Variants in CYP7B1 observed in about 807,000 individuals in gnomAD.
CYP7B1 encodes the protein cytochrome P450 7B1.
A neutral mutation model predicts 42.7 loss-of-function variants in CYP7B1; 29 were observed. The ratio of observed to expected loss-of-function variants is 0.68; its 90% confidence interval spans 0.51 to 0.93. The LOEUF (loss-of-function observed/expected upper bound fraction) is 0.93, where lower values mean the gene tolerates loss of function less well. Ranked by LOEUF, CYP7B1 falls within the 40% of genes least tolerant of loss-of-function variation. The pLI is 0.00. For missense variants in CYP7B1, 655 were observed against 600.5 expected (o/e 1.09, Z -0.95); for synonymous variants, 235 against 218.2 (o/e 1.08, Z -0.68).
intron 1 of CYP7B1, among the ~76,000 whole-genome samples, chr8:64,639,794 A>G (rs1805826450): frequency 6.6e-6 from 1 of 152,164 alleles, no homozygotes; most frequent in African/African-American, 2.4e-5. Flanking sequence ...ACATGTCCAT[A>G]CAAAGACTTA....
At chr8:64,737,263 T>C (rs1807503785) in intron 1 of CYP7B1, among the ~76,000 whole-genome samples, 1 of 152,214 alleles carries the variant, frequency 6.6e-6, no homozygotes, top group Admixed American at 6.5e-5. Context: ...CCACCATGCC[T>C]GGCTCCATTT....
chr8:64,767,678 G>A (rs1478831283), intron 1 of CYP7B1, among the ~76,000 whole-genome samples: 1 of 152,220 alleles, frequency 6.6e-6, no homozygotes, highest in Non-Finnish European at 1.5e-5. Flanking sequence ...CAAGCAGATA[G>A]TCAGGGCCTG....
At chr8:64,722,184 A>G (rs1392740154) in intron 1 of CYP7B1, among the ~76,000 whole-genome samples, 1 of 152,148 alleles carries the variant, frequency 6.6e-6, no homozygotes, top group Non-Finnish European at 1.5e-5. Flanking sequence ...TACGCAGCAA[A>G]ACTAGTTTAT....
chr8:64,602,869 C>T (rs1331492682), intron 5 of CYP7B1, among the ~76,000 whole-genome samples: 1 of 152,158 alleles, frequency 6.6e-6, no homozygotes, highest in African/African-American at 2.4e-5. Context: ...GGTAGTCACT[C>T]AGAAAATGTT....
chr8:64,731,661 T>G (rs964968113), intron 1 of CYP7B1, among the ~76,000 whole-genome samples: 1 of 152,158 alleles, frequency 6.6e-6, no homozygotes, highest in East Asian at 1.9e-4. Context: ...GTGGGGAAAA[T>G]GTCTCCAGGG....
intron 1 of CYP7B1, among the ~76,000 whole-genome samples, chr8:64,797,985 T>C (rs1023327072): frequency 3.9e-5 from 6 of 152,240 alleles, no homozygotes; most frequent in African/African-American, 1.4e-4. Context: ...CATGTACTAT[T>C]ATTTCAGCTT....
At chr8:64,625,813 G>A (rs1342516465) in intron 1 of CYP7B1, among the ~76,000 whole-genome samples, 2 of 151,224 alleles carry the variant, frequency 1.3e-5, no homozygotes, top group Non-Finnish European at 1.5e-5. Context: ...TAGGCATTTA[G>A]GTCTTTCCAC....
intron 1 of CYP7B1, among the ~76,000 whole-genome samples, chr8:64,627,151 T>C (rs770922297): frequency 1.3e-5 from 2 of 152,180 alleles, no homozygotes; most frequent in South Asian, 2.1e-4. Context: ...TACTTAGAAA[T>C]AGGAAAACAA....
chr8:64,786,132 G>A lies in CYP7B1; in HGVS notation c.122+12334C>T, dbSNP rs542005876. Among the ~76,000 whole-genome samples the A allele has an allele frequency of 2.0e-5, 3 of 152,168 alleles. No homozygotes were observed. The East Asian group carries it at 5.8e-4, about 29-fold the overall frequency. On this transcript the variant is annotated intron_variant, in intron 1 of 5. Coordinates refer to ENST00000310193, the MANE Select transcript of CYP7B1 (RefSeq NM_004820.5). Reference sequence around the variant, plus strand: ...CACAATTCAAGATGAGATTTGGGTGGGGGAACAGCCAAACCATATCATTCT... The same window carrying A: ...CACAATTCAAGATGAGATTTGGGTGAGGGAACAGCCAAACCATATCATTCT...
chr8:64,606,015 C>T lies in CYP7B1; in HGVS notation c.1058-1158G>A, dbSNP rs1057152441. ...CAGTAAAATTTAAATCTATGCACAG[C>T]CTGCATAAGGCTATCAAGTAGCTTT... On this transcript the variant is annotated intron_variant, in intron 4 of 5. Transcript: ENST00000310193. 2.0e-5 allele frequency among the ~76,000 whole-genome samples: 3 copies of T among 152,188 alleles called. No homozygotes were observed. In the South Asian group the frequency reaches 6.2e-4, roughly 32 times the overall value.
chr8:64,722,935 T>C (rs1156374752), intron 1 of CYP7B1, among the ~76,000 whole-genome samples: 1 of 152,124 alleles, frequency 6.6e-6, no homozygotes, highest in Non-Finnish European at 1.5e-5. Context: ...AAAGCCCACA[T>C]TCAAATCTGT....
intron 1 of CYP7B1, among the ~76,000 whole-genome samples, chr8:64,660,402 C>G (rs1806184189): frequency 6.6e-6 from 1 of 152,148 alleles, no homozygotes; most frequent in Non-Finnish European, 1.5e-5. Flanking sequence ...TTCAAGGTCT[C>G]ACTGAATTGT....
At chr8:64,788,650 A>C (rs544581874) in intron 1 of CYP7B1, among the ~76,000 whole-genome samples, 1 of 152,318 alleles carries the variant, frequency 6.6e-6, no homozygotes, top group African/African-American at 2.4e-5. Flanking sequence ...TTGGGTAAAT[A>C]ATAATCTTAC....
At chr8:64,769,598 A>G (rs1405835514) in intron 1 of CYP7B1, among the ~76,000 whole-genome samples, 1 of 152,172 alleles carries the variant, frequency 6.6e-6, no homozygotes, top group Non-Finnish European at 1.5e-5. Context: ...CCTTCCACAA[A>G]AAGAATTAAA....
At chr8:64,633,851 T>G (rs2129630786) in intron 1 of CYP7B1, among the ~76,000 whole-genome samples, 1 of 152,174 alleles carries the variant, frequency 6.6e-6, no homozygotes, top group East Asian at 1.9e-4. Flanking sequence ...ATGTTAAGAC[T>G]TAATATAAAA....
intron 1 of CYP7B1, among the ~76,000 whole-genome samples, chr8:64,688,080 T>G (rs948274973): frequency 6.6e-5 from 10 of 152,226 alleles, no homozygotes; most frequent in Admixed American, 6.5e-4. Context: ...TCTGCTTTTA[T>G]CCCTAAACAC....
intron 1 of CYP7B1, among the ~76,000 whole-genome samples, chr8:64,649,863 G>A (rs1230302355): frequency 2.0e-5 from 3 of 152,102 alleles, no homozygotes; most frequent in African/African-American, 7.2e-5. Context: ...TTATTCTTTG[G>A]AGATATGTAT....
chr8:64,611,677 C>T (rs534364707), intron 4 of CYP7B1, among the ~76,000 whole-genome samples: 7 of 152,226 alleles, frequency 4.6e-5, no homozygotes, highest in South Asian at 2.1e-4. Flanking sequence ...TAACATCCCT[C>T]ACCTGGACCA....
At chr8:64,767,734 T>A (rs910593314) in intron 1 of CYP7B1, among the ~76,000 whole-genome samples, 9 of 152,186 alleles carry the variant, frequency 5.9e-5, no homozygotes, top group African/African-American at 2.2e-4. Context: ...GGTCATACAT[T>A]TCAATCCCTG....
Sources: allele counts gnomAD v4.1 joint callset (sites outside exome capture counted in the v4.1 genomes callset), GRCh38; gene constraint gnomAD v4.1.1; transcripts MANE v1.5; gene names NCBI Gene and HGNC (gene_info 2026-07-23, HGNC 2026-07-21).